SNCAIP: variants seen among roughly 807,000 people sequenced by gnomAD.
SNCAIP encodes synuclein alpha interacting protein.
Under a neutral mutation model 86.7 loss-of-function variants are expected in SNCAIP, and 43 were observed. The observed-to-expected ratio is 0.50, with a 90% CI of 0.39 to 0.64. SNCAIP has a LOEUF of 0.64. Among genes scored for constraint, SNCAIP ranks in the 30% least tolerant of loss-of-function variants. The pLI is 0.00. For missense variants in SNCAIP, 981 were observed against 1,103.1 expected, an observed-to-expected ratio of 0.89 and a Z score of 1.57; for synonymous variants, 417 against 427.2, an observed-to-expected ratio of 0.98 and a Z score of 0.29.
At chr5:122,346,829 T>C (rs1001097080) in intron 1 of SNCAIP, among the ~76,000 whole-genome samples, 5 of 151,644 alleles carry the variant, frequency 3.3e-5, no homozygotes, top group Non-Finnish European at 7.4e-5. Flanking sequence ...TCCATAGTAG[T>C]ATTAAGCCAA....
At chr5:122,332,647 C>A (rs1328127187) in intron 1 of SNCAIP, among the ~76,000 whole-genome samples, 3 of 152,200 alleles carry the variant, frequency 2.0e-5, no homozygotes, top group African/African-American at 7.2e-5. Flanking sequence ...CTGCAAACAT[C>A]CAAGTATCAC....
At chr5:122,402,171 T>C (rs1490189820) in intron 2 of SNCAIP, among the ~76,000 whole-genome samples, 2 of 152,090 alleles carry the variant, frequency 1.3e-5, no homozygotes, top group African/African-American at 4.8e-5. Flanking sequence ...CAATTTTAAT[T>C]GAATTATAGA....
At chr5:122,363,182 G>T (rs544143467) in intron 1 of SNCAIP, among the ~76,000 whole-genome samples, 1 of 151,948 alleles carries the variant, frequency 6.6e-6, no homozygotes, top group Non-Finnish European at 1.5e-5. Context: ...TTTTGGTAGA[G>T]ATGGGATTTC....
chr5:122,445,475 G>T (rs1035335840), intron 8 of SNCAIP, among the ~76,000 whole-genome samples: 3 of 152,086 alleles, frequency 2.0e-5, no homozygotes, highest in African/African-American at 4.8e-5. Context: ...GTTAACACCT[G>T]CCTGAGGGGA....
intron 6 of SNCAIP, among the ~76,000 whole-genome samples, chr5:122,432,615 C>A (rs1405922495): frequency 6.6e-6 from 1 of 151,898 alleles, no homozygotes; most frequent in Non-Finnish European, 1.5e-5. Flanking sequence ...AAAGGAAAAT[C>A]TTTATAAGAC....
intron 1 of SNCAIP, among the ~76,000 whole-genome samples, chr5:122,365,833 G>A (rs1430917766): frequency 1.3e-5 from 2 of 152,164 alleles, no homozygotes; most frequent in East Asian, 1.9e-4. Flanking sequence ...CTCATCAGGC[G>A]GGATGCAGAT....
intron 1 of SNCAIP, among the ~76,000 whole-genome samples, chr5:122,370,408 CAT>C (rs990612858): frequency 6.6e-6 from 1 of 151,656 alleles, no homozygotes; most frequent in Non-Finnish European, 1.5e-5. Flanking sequence ...TACAATGTAA[CAT>C]ATATGACATG....
In SNCAIP at chr5:122,377,354, A is replaced by AT. The variant is rs1226683237; in HGVS notation, c.-46-13728dup. On this transcript the variant is annotated intron_variant, in intron 1 of 10. Coordinates refer to ENST00000261368, the MANE Select transcript of SNCAIP (RefSeq NM_005460.4). Reference sequence around the variant, plus strand: ...TGTGTATACATTTGTGTTTGCATGTATTTTTTTCTATTATACATTCTTTTA... The same window carrying AT: ...TGTGTATACATTTGTGTTTGCATGTATTTTTTTTCTATTATACATTCTTTTA... Among the ~76,000 whole-genome samples, 7 of 152,018 alleles carry AT rather than the reference A, an allele frequency of 4.6e-5. No homozygotes were observed. The South Asian group carries it at 8.3e-4, about 18-fold the overall frequency.
At chr5:122,331,769 T>G (rs191245676) in intron 1 of SNCAIP, among the ~76,000 whole-genome samples, 15 of 152,330 alleles carry the variant, frequency 9.8e-5, no homozygotes, top group African/African-American at 3.1e-4. Context: ...AACTTCACTT[T>G]GCATTATTTT....
chr5:122,396,296 A>G (rs567708897), intron 2 of SNCAIP, among the ~76,000 whole-genome samples: 26 of 152,262 alleles, frequency 1.7e-4, no homozygotes, highest in South Asian at 8.3e-4. Flanking sequence ...TTGATATTCT[A>G]TTGTTAGTGT....
At chr5:122,365,863 G>A (rs1024808261) in intron 1 of SNCAIP, among the ~76,000 whole-genome samples, 53 of 152,172 alleles carry the variant, frequency 3.5e-4, no homozygotes, top group African/African-American at 1.2e-3. Flanking sequence ...GATAATAATA[G>A]GAAGTCATGG....
intron 2 of SNCAIP, among the ~76,000 whole-genome samples, chr5:122,399,240 G>C (rs1489885592): frequency 1.3e-5 from 2 of 152,116 alleles, no homozygotes; most frequent in African/African-American, 4.8e-5. Flanking sequence ...AGAAGAGACA[G>C]ACATTTACTA....
rs931871716 is a variant in SNCAIP, at chr5:122,444,604, C to T, written c.1464C>T (p.His488=). 4.3e-6 allele frequency: 7 copies of T among 1,614,152 alleles called. No individual in the cohort carries two copies. Among genetic ancestry groups the T allele is most frequent in the East Asian group, 2.2e-5 (1 of 44,880 alleles). The part of the protein sequence containing the change: ...EYGANVTMQN[H]AGEKPSQSAE... ...GAGCAAATGTCACCATGCAGAACCA[C>T]GCTGGGGAAAAGCCCTCCCAGAGCG... The change falls in exon 8 of 11, where the codon CAC becomes CAT. Residue 488 remains histidine (H), a synonymous_variant. Transcript: ENST00000261368.
intron 1 of SNCAIP, among the ~76,000 whole-genome samples, chr5:122,338,466 G>A (rs550624319): frequency 6.6e-6 from 1 of 152,276 alleles, no homozygotes; most frequent in South Asian, 2.1e-4. Context: ...TAGTGCTACA[G>A]TAAAAACCAA....
chr5:122,396,591 T>A (rs975934192), intron 2 of SNCAIP, among the ~76,000 whole-genome samples: 6 of 152,196 alleles, frequency 3.9e-5, no homozygotes, highest in Non-Finnish European at 7.4e-5. Context: ...AACAAGCATT[T>A]ACTAAACATT....
chr5:122,325,156 A>T (rs1753759975), intron 1 of SNCAIP, among the ~76,000 whole-genome samples: 1 of 152,126 alleles, frequency 6.6e-6, no homozygotes, highest in Non-Finnish European at 1.5e-5. Context: ...GGATAAAATA[A>T]GACTAGTGGA....
intron 3 of SNCAIP, among the ~76,000 whole-genome samples, chr5:122,407,113 T>C (rs1021209656): frequency 1.3e-5 from 2 of 152,182 alleles, no homozygotes; most frequent in South Asian, 4.1e-4. Context: ...GCTTACATTC[T>C]ACTGGCAGTG....
chr5:122,315,868 G>A (rs1237147789), intron 1 of SNCAIP, among the ~76,000 whole-genome samples: 2 of 152,298 alleles, frequency 1.3e-5, no homozygotes, highest in South Asian at 4.1e-4. Context: ...TTGGAAAGGG[G>A]TCGATCTGGG....
chr5:122,343,158 C>A (rs1757928071), intron 1 of SNCAIP, among the ~76,000 whole-genome samples: 1 of 152,158 alleles, frequency 6.6e-6, no homozygotes, highest in South Asian at 2.1e-4. Context: ...AATGCTGAAA[C>A]CAACTTAGGA....
Sources: gnomAD v4.1 joint callset for allele counts (sites outside exome capture counted in the v4.1 genomes callset) on GRCh38, gnomAD v4.1.1 for gene constraint, MANE v1.5 for transcripts, NCBI Gene and HGNC (gene_info 2026-07-23, HGNC 2026-07-21) for gene names.